PDE3B: variants seen among roughly 807,000 people sequenced by gnomAD.
PDE3B encodes the protein cGMP-inhibited 3',5'-cyclic phosphodiesterase 3B.
A neutral mutation model predicts 116.8 loss-of-function variants in PDE3B; 66 were observed. The observed-to-expected ratio is 0.56, with a 90% confidence interval of 0.46 to 0.69. The LOEUF is 0.69. PDE3B is among the 30% of genes least tolerant of loss of function. The pLI is 0.00. For missense variants in PDE3B, 1,384 were observed against 1,368.1 expected, an observed-to-expected ratio of 1.01 and a Z score of -0.18; for synonymous variants, 595 against 533.6, an observed-to-expected ratio of 1.12 and a Z score of -1.59.
intron 7 of PDE3B, among the ~76,000 whole-genome samples, chr11:14,821,239 A>T (rs1056979741): frequency 6.6e-6 from 1 of 152,214 alleles, no homozygotes; most frequent in African/African-American, 2.4e-5. Context: ...GAGAGTAGGA[A>T]GTGGAAACTA....
intron 1 of PDE3B, among the ~76,000 whole-genome samples, chr11:14,752,731 T>G (rs1328575553): frequency 1.3e-5 from 2 of 152,164 alleles, no homozygotes; most frequent in Non-Finnish European, 2.9e-5. Flanking sequence ...TTGATTCTGA[T>G]AAGCCCTGGA....
At chr11:14,874,204 A>T (rs1166822294), downstream of PDE3B, among the ~76,000 whole-genome samples, 2 of 152,046 alleles carry the variant, frequency 1.3e-5, no homozygotes, top group Non-Finnish European at 2.9e-5. Flanking sequence ...ATCATGACTC[A>T]TGCTTTCTTT....
At chr11:14,664,045 G>A (rs1192233484) in intron 1 of PDE3B, among the ~76,000 whole-genome samples, 1 of 151,966 alleles carries the variant, frequency 6.6e-6, no homozygotes, top group African/African-American at 2.4e-5. Context: ...ATGTAAACAA[G>A]CAGAAATTAT....
At chr11:14,760,819 G>C (rs1013400917) in intron 1 of PDE3B, among the ~76,000 whole-genome samples, 4 of 152,010 alleles carry the variant, frequency 2.6e-5, no homozygotes, top group Non-Finnish European at 5.9e-5. Context: ...TATTTCTGTG[G>C]TACATGTGAT....
At chr11:14,664,556 T>C (rs1391998494) in intron 1 of PDE3B, among the ~76,000 whole-genome samples, 2 of 151,852 alleles carry the variant, frequency 1.3e-5, no homozygotes, top group Admixed American at 6.6e-5. Flanking sequence ...AAGAATCAAA[T>C]AGACACAATA....
At chr11:14,843,580 A>C (rs1847520389) in intron 11 of PDE3B, among the ~76,000 whole-genome samples, 1 of 152,184 alleles carries the variant, frequency 6.6e-6, no homozygotes, top group African/African-American at 2.4e-5. Flanking sequence ...GTAAGCATCA[A>C]ACTTGTGTGA....
In PDE3B at chr11:14,716,032, C is replaced by T. The variant is rs555419328; in HGVS notation, c.979-55905C>T. 9.3e-4 allele frequency among the ~76,000 whole-genome samples: 142 copies of T among 152,262 alleles called. 1 individual carries two copies. Among genetic ancestry groups the T allele is most frequent in the Middle Eastern group, 3.4e-3 (1 of 294 alleles). The stretch of plus-strand genomic sequence containing the variant: ...ACCGGGTTCATCTCACTAGGGAGTG[C>T]CAGACAGTGGGCGCAGGCCAGTGGG... On this transcript the variant is annotated intron_variant, in intron 1 of 15. Coordinates refer to ENST00000282096, the MANE Select transcript of PDE3B (RefSeq NM_000922.4).
At chr11:14,676,984 G>A (rs764021908) in intron 1 of PDE3B, among the ~76,000 whole-genome samples, 2 of 152,070 alleles carry the variant, frequency 1.3e-5, no homozygotes, top group South Asian at 2.1e-4. Context: ...TGGGTATGAG[G>A]TAAGGTAGGG....
chr11:14,781,569 A>T (rs1389327161), intron 2 of PDE3B, among the ~76,000 whole-genome samples: 1 of 152,242 alleles, frequency 6.6e-6, no homozygotes, highest in East Asian at 1.9e-4. Context: ...CCACATGATT[A>T]TCTCAATAGA....
chr11:14,746,510 C>A (rs984014854), intron 1 of PDE3B, among the ~76,000 whole-genome samples: 2 of 152,188 alleles, frequency 1.3e-5, no homozygotes, highest in Admixed American at 6.5e-5. Context: ...CCTCTCTCAA[C>A]CCAATTTAGG....
At chr11:14,722,250 T>C (rs1363357839) in intron 1 of PDE3B, among the ~76,000 whole-genome samples, 1 of 151,934 alleles carries the variant, frequency 6.6e-6, no homozygotes, top group African/African-American at 2.4e-5. Flanking sequence ...ACATGGCACA[T>C]GTATACATAT....
chr11:14,881,137 C>A, the PDE3B span, among the ~76,000 whole-genome samples: 4 of 152,102 alleles, frequency 2.6e-5, no homozygotes, highest in East Asian at 5.8e-4. Flanking sequence ...TTATCTTAGA[C>A]TAAACAAACA....
intron 1 of PDE3B, among the ~76,000 whole-genome samples, chr11:14,756,871 A>G (rs957212114): frequency 6.6e-6 from 1 of 151,026 alleles, no homozygotes; most frequent in Non-Finnish European, 1.5e-5. Flanking sequence ...TTACATATGT[A>G]TACATGTGCC....
chr11:14,796,014 A>G (rs559132269), intron 4 of PDE3B, among the ~76,000 whole-genome samples: 1 of 152,080 alleles, frequency 6.6e-6, no homozygotes, highest in Non-Finnish European at 1.5e-5. Context: ...TCCTAATGCT[A>G]TCCCTCCTCT....
chr11:14,780,617 C>T (rs551125820), intron 2 of PDE3B, among the ~76,000 whole-genome samples: 11 of 151,890 alleles, frequency 7.2e-5, no homozygotes, highest in East Asian at 1.9e-4. Flanking sequence ...GTGAAACCAA[C>T]GAGAACAAAG....
chr11:14,745,348 G>GT (rs1373420721), intron 1 of PDE3B, among the ~76,000 whole-genome samples: 2 of 151,934 alleles, frequency 1.3e-5, no homozygotes, highest in Non-Finnish European at 2.9e-5. Context: ...TAAGGTTTTG[G>GT]TTTTTTGCTT....
chr11:14,885,347 A>G, the PDE3B span, among the ~76,000 whole-genome samples: 3 of 152,154 alleles, frequency 2.0e-5, no homozygotes, highest in South Asian at 2.1e-4. Context: ...ATGCAACTCT[A>G]TACTTACTAA....
rs370649143 is a variant in PDE3B, at chr11:14,852,760, ACT to A, written c.2521-6280_2521-6279del. ...TGACCCTGTTTCAGTGTGTTGCATCACTCTGTTCCAGACTCTTTTGCCAGGCG... is the reference window on the plus strand; with the variant it reads ...TGACCCTGTTTCAGTGTGTTGCATCACTGTTCCAGACTCTTTTGCCAGGCG... On this transcript the variant is annotated intron_variant, in intron 12 of 15. Coordinates refer to ENST00000282096, the MANE Select transcript of PDE3B (RefSeq NM_000922.4). Among the ~76,000 whole-genome samples the A allele has an allele frequency of 4.4e-3, 676 of 151,930 alleles. 9 individuals carry two copies. The highest frequency in any genetic ancestry group is 0.016 in the African/African-American group (658 of 41,454).
chr11:14,685,446 C>CTTTTTTT (rs71044017), intron 1 of PDE3B, among the ~76,000 whole-genome samples: 2 of 86,310 alleles, frequency 2.3e-5, no homozygotes, highest in African/African-American at 7.2e-5. Context: ...TTTTTCTCAT[C>CTTTTTTT]TTTTTTTTTT....
Sources: gnomAD v4.1 joint callset for allele counts (sites outside exome capture counted in the v4.1 genomes callset) on GRCh38, gnomAD v4.1.1 for gene constraint, MANE v1.5 for transcripts, NCBI Gene and HGNC (gene_info 2026-07-23, HGNC 2026-07-21) for gene names.